Variants in SEMA5B observed in about 807,000 individuals in gnomAD.
SEMA5B encodes semaphorin-5B.
In SEMA5B, 66 loss-of-function variants were observed where a neutral mutation model predicts 135.0. That is an observed-to-expected ratio of 0.49 (90% CI 0.40 to 0.60). The LOEUF (loss-of-function observed/expected upper bound fraction) is 0.60, where lower values mean the gene tolerates loss of function less well. Among genes scored for constraint, SEMA5B ranks in the 20% least tolerant of loss-of-function variants. SEMA5B has a pLI of 0.00. For missense variants in SEMA5B, 1,501 were observed against 1,566.3 expected, an observed-to-expected ratio of 0.96 and a Z score of 0.70; for synonymous variants, 690 against 639.5, an observed-to-expected ratio of 1.08 and a Z score of -1.19.
intron 1 of SEMA5B, among the ~76,000 whole-genome samples, chr3:123,025,003 TG>T (rs1173160583): frequency 2.0e-5 from 3 of 152,160 alleles, no homozygotes; most frequent in Admixed American, 6.5e-5. Context: ...CTCCCAGCTT[TG>T]AGTCTCAATA....
In SEMA5B at chr3:122,922,359, G is replaced by T; in HGVS notation, c.1361C>A (p.Ala454Asp). The change falls in exon 11 of 23, where the codon GCC (alanine) becomes GAC (aspartate). Residue 454 changes from alanine to aspartate, a missense_variant. Around this residue, in one of 2 missense-constraint regions of SEMA5B, gnomAD observed 574 missense variants for 684.7 expected, o/e 0.84. Coordinates refer to ENST00000357599, the MANE Select transcript of SEMA5B (RefSeq NM_001031702.4). ...DAQRLFLMSE[A>D]VQPVTPEPCV... ...GGGCTCGGGTGTCACCGGCTGCACG[G>T]CCTCGCTCATCAGGAAGAGGCGCTG... 1.2e-6 allele frequency: 2 copies of T among 1,613,356 alleles called. No homozygotes were observed. The highest frequency in any genetic ancestry group is 1.3e-5 in the African/African-American group (1 of 75,046).
At chr3:122,914,092 G>A (rs1937935648) in intron 14 of SEMA5B, 91 bp from the exon 15 acceptor site, 1 of 1,382,968 alleles carries the variant, frequency 7.2e-7, no homozygotes, top group Non-Finnish European at 9.6e-7. Flanking sequence ...ATTTTCTACT[G>A]CTGTCAGAAA....
chr3:122,966,554 A>ATTTTTTTTTTTT (rs1335935235), intron 1 of SEMA5B, among the ~76,000 whole-genome samples: 13 of 147,058 alleles, frequency 8.8e-5, no homozygotes, highest in African/African-American at 3.4e-4. Flanking sequence ...TATTATTATT[A>ATTTTTTTTTTTT]TTATTATTAT....
intron 5 of SEMA5B, among the ~76,000 whole-genome samples, chr3:122,936,991 A>AC (rs567132597): frequency 3.4e-4 from 52 of 152,226 alleles, no homozygotes; most frequent in Non-Finnish European, 6.6e-4. Context: ...ATTTTTCTTT[A>AC]CGTAATGTTA....
intron 1 of SEMA5B, among the ~76,000 whole-genome samples, chr3:122,996,360 C>A (rs984195142): frequency 6.6e-6 from 1 of 152,230 alleles, no homozygotes; most frequent in Admixed American, 6.5e-5. Context: ...CACGGCTGCT[C>A]TAGGAAACAC....
intron 1 of SEMA5B, among the ~76,000 whole-genome samples, chr3:122,995,954 G>C (rs1404282661): frequency 6.6e-6 from 1 of 152,350 alleles, no homozygotes; most frequent in South Asian, 2.1e-4. Context: ...TCAAGGGCTG[G>C]AGCCTGGCTG....
chr3:122,911,557 G>C, intron 20 of SEMA5B, 22 bp from the exon 21 acceptor site: 1 of 1,605,738 alleles, frequency 6.2e-7, no homozygotes. Context: ...CCAGTGGACA[G>C]GGTGTCAGGG....
intron 8 of SEMA5B, 33 bp downstream of exon 8, chr3:122,927,757 G>A (rs185980934): frequency 2.6e-5 from 36 of 1,378,106 alleles, no homozygotes; most frequent in Non-Finnish European, 3.3e-5. Context: ...AAAACCAGGG[G>A]AGTCCCCACC....
intron 1 of SEMA5B, chr3:123,027,188 C>G (rs2107860834): frequency 6.5e-6 from 1 of 152,886 alleles, no homozygotes; most frequent in South Asian, 2.1e-4. Flanking sequence ...CCAGATGCGC[C>G]GACCACAGCC....
intron 1 of SEMA5B, among the ~76,000 whole-genome samples, chr3:122,991,884 G>A (rs578245419): frequency 6.6e-6 from 1 of 152,182 alleles, no homozygotes; most frequent in Admixed American, 6.5e-5. Context: ...TCACAAAGGA[G>A]AGAAAACATG....
At chr3:123,025,454 T>A (rs906222124) in intron 1 of SEMA5B, among the ~76,000 whole-genome samples, 5 of 152,264 alleles carry the variant, frequency 3.3e-5, no homozygotes, top group Non-Finnish European at 5.9e-5. Flanking sequence ...TACCTCTTTT[T>A]ATCTACCAGC....
At chr3:122,984,853 C>A (rs908865004) in intron 1 of SEMA5B, among the ~76,000 whole-genome samples, 1 of 152,148 alleles carries the variant, frequency 6.6e-6, no homozygotes, top group Non-Finnish European at 1.5e-5. Context: ...AGGGACACAA[C>A]TGAAAATGTA....
At position 122,915,881 on chromosome 3, in the gene SEMA5B, C is replaced by T; in HGVS notation, c.1698G>A (p.Leu566=). Residue 566 remains leucine (L), a synonymous_variant, in exon 13 of 23, where the codon CTG becomes CTA. Coordinates refer to ENST00000357599, the MANE Select transcript of SEMA5B (RefSeq NM_001031702.4). ...AGCCACAGTACGGGTCCCGGGCCCC[C>T]AGGCATGCCCTGCCAGACAGACGTC... ...CAAYRSQGAC[L]GARDPYCGWD... is the part of the protein sequence containing the mutation. 2 of 1,613,884 alleles carry T rather than the reference C, an allele frequency of 1.2e-6. No homozygotes were observed. Among genetic ancestry groups the T allele is most frequent in the Non-Finnish European group, 1.7e-6 (2 of 1,179,856 alleles).
chr3:122,974,576 G>A (rs1294850419), intron 1 of SEMA5B, among the ~76,000 whole-genome samples: 1 of 152,160 alleles, frequency 6.6e-6, no homozygotes, highest in African/African-American at 2.4e-5. Context: ...GACTTCTCAG[G>A]TGGATGGTGT....
At chr3:123,001,784 T>C (rs1192655581) in intron 1 of SEMA5B, among the ~76,000 whole-genome samples, 1 of 152,036 alleles carries the variant, frequency 6.6e-6, no homozygotes, top group Admixed American at 6.6e-5. Flanking sequence ...GGAATCCATA[T>C]AGCAAAAAGA....
chr3:122,957,724 T>C (rs1196928686), intron 2 of SEMA5B, among the ~76,000 whole-genome samples: 3 of 152,202 alleles, frequency 2.0e-5, no homozygotes, highest in African/African-American at 2.4e-5. Flanking sequence ...TTCTAGAAGC[T>C]GAGGCACTTG....
intron 1 of SEMA5B, among the ~76,000 whole-genome samples, chr3:123,018,324 G>T (rs35599996): frequency 1.3e-5 from 2 of 152,212 alleles, no homozygotes; most frequent in Non-Finnish European, 2.9e-5. Flanking sequence ...TGGTTCTCCC[G>T]AGCTGAAGAG....
In SEMA5B at chr3:123,000,581, C is replaced by T. The variant is rs187561324; in HGVS notation, c.-39+26883G>A. Reference sequence around the variant, plus strand: ...ATCTAAACTCTGTGAAGTGGGGTCACTGTCATCACCCCAGGGTGCAGGTGA... The same window carrying T: ...ATCTAAACTCTGTGAAGTGGGGTCATTGTCATCACCCCAGGGTGCAGGTGA... On this transcript the variant is annotated intron_variant, in intron 1 of 22. Transcript: ENST00000357599. Among the ~76,000 whole-genome samples, 779 of 152,222 alleles carry T rather than the reference C, an allele frequency of 5.1e-3. 7 individuals are homozygous for T. Among genetic ancestry groups the T allele is most frequent in the African/African-American group, 0.018 (743 of 41,522 alleles).
chr3:123,008,037 T>C (rs758248225), intron 1 of SEMA5B, among the ~76,000 whole-genome samples: 3 of 152,234 alleles, frequency 2.0e-5, no homozygotes, highest in African/African-American at 4.8e-5. Flanking sequence ...TAATGAGGAA[T>C]AGCAAATCTG....
Sources: gnomAD v4.1 joint callset for allele counts (sites outside exome capture counted in the v4.1 genomes callset) on GRCh38, gnomAD v4.1.1 for gene constraint, gnomAD v4.1.1 regional missense constraint, MANE v1.5 for transcripts, NCBI Gene and HGNC (gene_info 2026-07-23, HGNC 2026-07-21) for gene names.